PIR: variants seen among roughly 807,000 people sequenced by gnomAD.
The protein encoded by PIR is pirin.
A neutral mutation model predicts 24.2 loss-of-function variants in PIR; 22 were observed. The observed-to-expected ratio is 0.91, with a 90% confidence interval of 0.65 to 1.30. PIR has a LOEUF of 1.30. Ranked by LOEUF, PIR falls within the 50% of genes most tolerant of loss-of-function variation. The pLI, the probability that PIR is intolerant of heterozygous loss-of-function variation, is 0.00. For synonymous variants in PIR, 80 were observed against 79.6 expected (o/e 1.00, Z -0.03); for missense variants, 220 against 220.3 (o/e 1.00, Z 0.01).
chrX:15,451,231 G>C (rs1281944005), intron 5 of PIR, among the ~76,000 whole-genome samples: 1 of 110,962 alleles, frequency 9.0e-6, no homozygotes, highest in Non-Finnish European at 1.9e-5. Flanking sequence ...TGGAGCTCAA[G>C]CCATGCCCTG....
intron 2 of PIR, among the ~76,000 whole-genome samples, chrX:15,484,442 G>A (rs1471462848): frequency 9.6e-6 from 1 of 104,079 alleles, no homozygotes; most frequent in African/African-American, 3.5e-5. Flanking sequence ...AGTGCCCCAA[G>A]TAGCTGGGAC....
intron 2 of PIR, among the ~76,000 whole-genome samples, chrX:15,480,959 CA>C (rs200057187): frequency 0.019 from 2,111 of 112,309 alleles, 43 homozygotes; most frequent in African/African-American, 0.062. Context: ...ATAGTCTGAG[CA>C]AAGGCAAAGG....
intron 8 of PIR, 100 bp from the exon 9 acceptor site, chrX:15,390,351 T>C (rs1034526562): frequency 4.5e-6 from 2 of 441,978 alleles, no homozygotes; most frequent in Non-Finnish European, 7.6e-6. Flanking sequence ...ATAGGCGATG[T>C]TCCTAATTCT....
At chrX:15,396,842 G>A (rs1350660413) in intron 8 of PIR, among the ~76,000 whole-genome samples, 5 of 110,089 alleles carry the variant, frequency 4.5e-5, no homozygotes, top group Non-Finnish European at 9.5e-5. Context: ...CCGGGTTCAC[G>A]CCATTCTTCT....
intron 3 of PIR, among the ~76,000 whole-genome samples, chrX:15,466,006 G>GTTTTTTTTTTTTTTTTTTT (rs200803758): frequency 3.2e-5 from 2 of 63,125 alleles, no homozygotes; most frequent in African/African-American, 6.9e-5. Flanking sequence ...AATGGTGGCT[G>GTTTTTTTTTTTTTTTTTTT]TTTTTTTTTT....
chrX:15,461,322 G>A (rs769535507), intron 3 of PIR, among the ~76,000 whole-genome samples: 1 of 111,926 alleles, frequency 8.9e-6, no homozygotes, highest in Non-Finnish European at 1.9e-5. Flanking sequence ...AACTCACTAG[G>A]TGCTCAATAA....
At chrX:15,470,600 C>CTTTTTTTTTTTTT (rs1185040119) in intron 3 of PIR, among the ~76,000 whole-genome samples, 1 of 45,106 alleles carries the variant, frequency 2.2e-5, no homozygotes, top group Non-Finnish European at 4.8e-5. Flanking sequence ...TTCTTTCTTT[C>CTTTTTTTTTTTTT]TTTTTTTTTT....
At chrX:15,421,199 A>G (rs1022566006) in intron 6 of PIR, among the ~76,000 whole-genome samples, 1 of 112,039 alleles carries the variant, frequency 8.9e-6, no homozygotes. Context: ...AATCACGGAT[A>G]GTGAAGGCTT....
intron 5 of PIR, among the ~76,000 whole-genome samples, chrX:15,445,820 CTTTTTTTTTTTTTT>C (rs1192838504): frequency 4.6e-5 from 3 of 64,921 alleles, no homozygotes; most frequent in Non-Finnish European, 5.8e-5. Context: ...CAAGATATTT[CTTTTTTTTTTTTTT>C]TTTTTTTTTT....
At chrX:15,480,750 A>G (rs1023304660) in intron 2 of PIR, among the ~76,000 whole-genome samples, 16 of 112,394 alleles carry the variant, frequency 1.4e-4, no homozygotes, top group Admixed American at 1.1e-3. Context: ...ACTAAGGGAT[A>G]CTAATCTGTT....
intron 5 of PIR, among the ~76,000 whole-genome samples, chrX:15,454,287 C>T (rs1921000779): frequency 9.0e-6 from 1 of 111,061 alleles, no homozygotes; most frequent in African/African-American, 3.3e-5. Context: ...AAAACAGAAA[C>T]GAGTCACAGA....
intron 5 of PIR, among the ~76,000 whole-genome samples, chrX:15,436,587 AAC>A (rs1925758152): frequency 8.9e-6 from 1 of 112,367 alleles, no homozygotes; most frequent in African/African-American, 3.2e-5. Flanking sequence ...CAAATAGGCT[AAC>A]ACAGAGCCTT....
At chrX:15,467,415 G>T (rs1412750787) in intron 3 of PIR, among the ~76,000 whole-genome samples, 1 of 112,589 alleles carries the variant, frequency 8.9e-6, no homozygotes, top group African/African-American at 3.2e-5. Flanking sequence ...AATTGCAATA[G>T]GAGCCAGAAC....
rs745737106 is a variant in PIR, at chrX:15,389,343, C to A, written c.760+842G>T. The stretch of plus-strand genomic sequence containing the variant: ...GCAAGGCAGGGTACAATTTAATGTT[C>A]CCCCTGAAGTAGTTAGTAGAACAAA... On this transcript the variant is annotated intron_variant, in intron 9 of 9. Transcript: ENST00000380420. 2.7e-5 allele frequency among the ~76,000 whole-genome samples: 3 copies of A among 111,590 alleles called. No individual in the cohort carries two copies. In the East Asian group the frequency reaches 8.4e-4, roughly 31 times the overall value.
chrX:15,451,457 GTTTAT>G lies in PIR; in HGVS notation c.480+4386_480+4390del, dbSNP rs979316400. Among the ~76,000 whole-genome samples, 11 of 109,423 alleles carry G rather than the reference GTTTAT, an allele frequency of 1.0e-4. 1 individual carries two copies. Among genetic ancestry groups the G allele is most frequent in the Admixed American group, 2.9e-4 (3 of 10,301 alleles). On this transcript the variant is annotated intron_variant, in intron 5 of 9. Transcript: ENST00000380420. ...TCCTTACTTCCTAGTCCCTTAAATA[GTTTAT>G]TTTATTTTAACATATAATTTAGCTA...
chrX:15,423,247 CA>C (rs112687301), intron 6 of PIR, among the ~76,000 whole-genome samples: 28,111 of 111,179 alleles, frequency 0.25, 2,809 homozygotes, highest in East Asian at 0.51. Flanking sequence ...ACCTCAAAAG[CA>C]CAAGCAACCA....
chrX:15,387,106 T>A (rs1923793548), intron 9 of PIR, among the ~76,000 whole-genome samples: 1 of 69,330 alleles, frequency 1.4e-5, no homozygotes, highest in African/African-American at 6.4e-5. Flanking sequence ...TTTTTTTTTT[T>A]GAGACCGAGT....
chrX:15,427,926 G>A (rs1446987844), intron 5 of PIR, among the ~76,000 whole-genome samples: 1 of 110,475 alleles, frequency 9.1e-6, no homozygotes, highest in Non-Finnish European at 1.9e-5. Flanking sequence ...TTCTCTTCAG[G>A]ACAGGTGAAT....
chrX:15,457,130 C>T (rs1196419328), intron 4 of PIR, among the ~76,000 whole-genome samples: 1 of 112,059 alleles, frequency 8.9e-6, no homozygotes, highest in African/African-American at 3.2e-5. Flanking sequence ...AATTCAATCC[C>T]ACTGGGAACC....
Sources: allele counts gnomAD v4.1 joint callset (sites outside exome capture counted in the v4.1 genomes callset), GRCh38; gene constraint gnomAD v4.1.1; transcripts MANE v1.5; gene names NCBI Gene and HGNC (gene_info 2026-07-23, HGNC 2026-07-21).